The following ZFHX3 variants were observed in gnomAD, a reference collection of about 807,000 sequenced individuals.
ZFHX3 encodes the protein zinc finger homeobox 3, also known as zinc finger homeobox protein 3.
ZFHX3 carries 42 observed loss-of-function variants against 279.1 expected under a neutral mutation model. The ratio of observed to expected loss-of-function variants is 0.15; its 90% confidence interval spans 0.12 to 0.19. The LOEUF (loss-of-function observed/expected upper bound fraction) is 0.19, where lower values mean the gene tolerates loss of function less well. ZFHX3 is among the 10% of genes least tolerant of loss of function. The pLI is 1.00. For synonymous variants in ZFHX3, 2,293 were observed against 1,957.8 expected (o/e 1.17, Z -4.52); for missense variants, 4,981 against 4,754.0 (o/e 1.05, Z -1.40).
chr16:73,419,188 G>C (rs1392961975), intron 3 of ZFHX3, among the ~76,000 whole-genome samples: 1 of 152,202 alleles, frequency 6.6e-6, no homozygotes, highest in African/African-American at 2.4e-5. Context: ...AAGGAAAGAA[G>C]TACTGATAAT....
At chr16:73,064,365 T>G (rs2144747586), upstream of ZFHX3, among the ~76,000 whole-genome samples, 1 of 152,212 alleles carries the variant, frequency 6.6e-6, no homozygotes, top group South Asian at 2.1e-4. Context: ...GCAGACCAGC[T>G]GGTCTAGAAG....
At chr16:73,333,147 A>C (rs942491034) in intron 3 of ZFHX3, among the ~76,000 whole-genome samples, 1 of 152,258 alleles carries the variant, frequency 6.6e-6, no homozygotes, top group African/African-American at 2.4e-5. Flanking sequence ...ATAGACACAT[A>C]CATGGATACA....
At chr16:72,806,432 G>A (rs544155851) in intron 7 of ZFHX3, among the ~76,000 whole-genome samples, 1 of 152,308 alleles carries the variant, frequency 6.6e-6, no homozygotes, top group African/African-American at 2.4e-5. Context: ...CTCAGAGAGG[G>A]AAGCAGTGGC....
chr16:73,350,967 G>A (rs575900804), intron 3 of ZFHX3, among the ~76,000 whole-genome samples: 5 of 152,276 alleles, frequency 3.3e-5, no homozygotes, highest in South Asian at 4.1e-4. Flanking sequence ...CCCATGCACC[G>A]GTCCAACCAG....
intron 2 of ZFHX3, among the ~76,000 whole-genome samples, chr16:73,541,637 G>A (rs956216605): frequency 4.1e-4 from 62 of 152,174 alleles, no homozygotes; most frequent in African/African-American, 1.2e-3. Context: ...AGAGACGGAT[G>A]CCTGGTCCTG....
intron 8 of ZFHX3, among the ~76,000 whole-genome samples, chr16:73,081,888 G>A (rs998857505): frequency 1.3e-5 from 2 of 148,194 alleles, no homozygotes; most frequent in Non-Finnish European, 3.0e-5. Context: ...CCAAGCTGGA[G>A]TGCGGTGGCA....
In ZFHX3 at chr16:73,436,614, C is replaced by T. The variant is rs116927863; in HGVS notation, c.-1291+19389G>A. Among the ~76,000 whole-genome samples the T allele has an allele frequency of 3.9e-3, 588 of 152,214 alleles. 10 individuals carry two copies. The highest frequency in any genetic ancestry group is 2.4e-3 in the Non-Finnish European group (162 of 68,020). ...GATTTAGGTGCAGACACAGCCAAAC[C>T]GTATCAGCTACCCACCCACTGCCAC... On this transcript the variant is annotated intron_variant, in intron 3 of 17. Transcript: ENST00000641206.
intron 1 of ZFHX3, among the ~76,000 whole-genome samples, chr16:73,798,799 T>C (rs539553160): frequency 1.4e-4 from 22 of 152,320 alleles, no homozygotes; most frequent in African/African-American, 4.8e-4. Flanking sequence ...AGAAACACCA[T>C]GAAGGGCATC....
chr16:73,508,263 G>C (rs1023528960), intron 2 of ZFHX3, among the ~76,000 whole-genome samples: 1 of 152,128 alleles, frequency 6.6e-6, no homozygotes, highest in African/African-American at 2.4e-5. Flanking sequence ...CTTGCTTCTG[G>C]GGAAAATGTT....
chr16:73,808,437 C>T (rs1458186309), intron 1 of ZFHX3: 1 of 152,190 alleles, frequency 6.6e-6, no homozygotes, highest in Non-Finnish European at 1.5e-5. Flanking sequence ...CTGTAAGCTT[C>T]TGTGAGTGAG....
chr16:72,825,536 C>T (rs896569043), intron 5 of ZFHX3, among the ~76,000 whole-genome samples: 1 of 152,134 alleles, frequency 6.6e-6, no homozygotes, highest in African/African-American at 2.4e-5. Context: ...CTTTTTTTCA[C>T]ATCATGGCAC....
intron 3 of ZFHX3, among the ~76,000 whole-genome samples, chr16:72,927,953 A>C (rs546578974): frequency 6.9e-6 from 1 of 145,624 alleles, no homozygotes; most frequent in African/African-American, 2.6e-5. Flanking sequence ...GTAATTGTTT[A>C]ATTCCTGCTG....
intron 1 of ZFHX3, among the ~76,000 whole-genome samples, chr16:72,994,727 T>C (rs568855977): frequency 6.6e-6 from 1 of 152,356 alleles, no homozygotes; most frequent in East Asian, 1.9e-4. Flanking sequence ...TTATTTCTAA[T>C]TAGCACTTCT....
intron 1 of ZFHX3, among the ~76,000 whole-genome samples, chr16:73,701,645 G>A (rs750087678): frequency 1.3e-5 from 2 of 152,020 alleles, no homozygotes; most frequent in Non-Finnish European, 2.9e-5. Context: ...ATAAATCACT[G>A]GCCTAAATTA....
intron 3 of ZFHX3, among the ~76,000 whole-genome samples, chr16:73,410,223 C>G (rs1460004519): frequency 2.6e-5 from 4 of 152,132 alleles, no homozygotes; most frequent in Admixed American, 6.5e-5. Flanking sequence ...TGAGACCAGT[C>G]TGACCAACAT....
In ZFHX3 at chr16:72,957,812, AGCCACCGCCGCC is replaced by A. The variant is rs779341897; in HGVS notation, c.2322_2333del (p.Val777_Ala780del). ...TGATATTGGCTGCCGCCGCCGCCGC[AGCCACCGCCGCC>A]GCCGCCGCCCCGGCAGTGTGGCTGA... On this transcript the variant is annotated inframe_deletion, in exon 2 of 10. Coordinates refer to ENST00000268489, the MANE Select transcript of ZFHX3 (RefSeq NM_006885.4). 2.7e-4 allele frequency: 427 copies of A among 1,582,120 alleles called. 2 individuals are homozygous for A. In the South Asian group the frequency reaches 2.8e-3, roughly 10 times the overall value.
intron 2 of ZFHX3, among the ~76,000 whole-genome samples, chr16:73,497,499 T>A (rs1385000616): frequency 2.6e-5 from 4 of 152,034 alleles, no homozygotes; most frequent in Admixed American, 1.3e-4. Flanking sequence ...TGACACCCAA[T>A]CTCTACAAAA....
At chr16:73,473,339 CAAAAA>C (rs11347779) in intron 2 of ZFHX3, among the ~76,000 whole-genome samples, 1 of 76,658 alleles carries the variant, frequency 1.3e-5, no homozygotes, top group Non-Finnish European at 2.3e-5. Context: ...TGTCTCAAAG[CAAAAA>C]AAAAAAAAAA....
At position 73,304,839 on chromosome 16, in the gene ZFHX3, G is replaced by A. The variant is rs568652308; in HGVS notation, c.-1194+13401C>T. On this transcript the variant is annotated intron_variant, in intron 4 of 17. Coordinates refer to the ZFHX3 transcript ENST00000641206. ...ACCTGATGGGAGATGGGCTTTTTAG[G>A]ATCTCTCAGGGTGCTTTGAGGTAGC... is the stretch of plus-strand genomic sequence containing the variant. 1.3e-3 allele frequency among the ~76,000 whole-genome samples: 198 copies of A among 152,224 alleles called. 1 individual carries two copies. The highest frequency in any genetic ancestry group is 4.6e-3 in the African/African-American group (190 of 41,542).
Sources: gnomAD v4.1 joint callset for allele counts (sites outside exome capture counted in the v4.1 genomes callset) on GRCh38, gnomAD v4.1.1 for gene constraint, MANE v1.5 for transcripts, NCBI Gene and HGNC (gene_info 2026-07-23, HGNC 2026-07-21) for gene names.